ITPRIP: variants seen among roughly 807,000 people sequenced by gnomAD.
The protein encoded by ITPRIP is inositol 1,4,5-trisphosphate receptor interacting protein.
Under a neutral mutation model 35.8 loss-of-function variants are expected in ITPRIP, and 32 were observed. That is an observed-to-expected ratio of 0.89 (90% CI 0.68 to 1.20). The LOEUF is 1.20. ITPRIP is among the 50% of genes most tolerant of loss of function. The pLI is 0.00. For synonymous variants in ITPRIP, 358 were observed against 324.0 expected (o/e 1.11, Z -1.13); for missense variants, 653 against 735.6 (o/e 0.89, Z 1.30).
chr10:104,315,547 C>G lies in ITPRIP; in HGVS notation c.505G>C (p.Asp169His). 1 of 1,614,218 alleles carries G rather than the reference C, an allele frequency of 6.2e-7. No homozygotes were observed. The highest frequency in any genetic ancestry group is 8.5e-7 in the Non-Finnish European group (1 of 1,180,038). The change falls in exon 2 of 2, where the codon GAT becomes CAT. Residue 169 changes from aspartate to histidine, a missense_variant. Coordinates refer to ENST00000337478, the MANE Select transcript of ITPRIP (RefSeq NM_001272013.2). The surrounding 1 kb of genome is among the most constrained non-coding windows in gnomAD (Gnocchi z 5.7). ...RTREFLEGFV[D>H]DLLEALRSLC... ...CTCCTCAGGGCTTCCAGCAAGTCAT[C>G]CACGAAGCCTTCCAGGAACTCCCGG... is the stretch of plus-strand genomic sequence containing the variant.
rs1564867873 is a variant in ITPRIP, at chr10:104,333,820, G to C, written c.-14+4426C>G. On this transcript the variant is annotated intron_variant, in intron 1 of 1. Transcript: ENST00000337478. This position sits in a 1 kb window ranked among gnomAD's most constrained non-coding sequence, Gnocchi z 4.1. ...TCCTTTGTCCAGACCTCAGAGGAGG[G>C]AGCAGTGACCTGATGGGGAAGTTGG... The C allele has an allele frequency of 1.3e-5, 2 of 152,606 alleles. No homozygotes were observed. The highest frequency in any genetic ancestry group is 2.9e-5 in the Non-Finnish European group (2 of 68,376). 9.5% of individuals were successfully genotyped at this position (152,606 alleles called of 1,614,324 possible). A position where few individuals can be genotyped will look rare whatever the true frequency, so the allele number is the denominator to read the frequency against.
At chr10:104,330,014 G>T (rs747223717) in intron 1 of ITPRIP, among the ~76,000 whole-genome samples, 13 of 152,148 alleles carry the variant, frequency 8.5e-5, no homozygotes, top group Non-Finnish European at 1.5e-4. Flanking sequence ...TTCTTCTAAA[G>T]GCCCCAGGGG....
chr10:104,332,274 C>T (rs1170954067), intron 1 of ITPRIP, among the ~76,000 whole-genome samples: 2 of 151,984 alleles, frequency 1.3e-5, no homozygotes, highest in Admixed American at 6.6e-5. Flanking sequence ...ATATCCATAA[C>T]GGTGGATTCT....
In ITPRIP at chr10:104,315,691, C is replaced by T. The variant is rs751205184; in HGVS notation, c.361G>A (p.Asp121Asn). 17 of 1,613,220 alleles carry T rather than the reference C, an allele frequency of 1.1e-5. No homozygotes were observed. The highest frequency in any genetic ancestry group is 9.9e-5 in the South Asian group (9 of 91,090). ...GCGCCCCCCAGCCCAGGCAGCTCAT[C>T]CTCCTCACCGCCCAGGCACTCAGGT... Reference protein sequence around the residue: ...PSPECLGGEEDELPGLGGAPL... With the variant: ...PSPECLGGEENELPGLGGAPL... Residue 121 changes from aspartate (D) to asparagine (N), a missense_variant, in exon 2 of 2, where the codon GAT (aspartate) becomes AAT (asparagine). By Grantham distance (23) the Asp-to-Asn change is conservative (BLOSUM62 1). Coordinates refer to ENST00000337478, the MANE Select transcript of ITPRIP (RefSeq NM_001272013.2). This position sits in a 1 kb window ranked among gnomAD's most constrained non-coding sequence, Gnocchi z 5.7.
intron 1 of ITPRIP, chr10:104,323,515 T>G (rs933430434): frequency 6.6e-6 from 1 of 152,328 alleles, no homozygotes; most frequent in Admixed American, 6.5e-5. Flanking sequence ...CCTCTTCCCC[T>G]GCCTGGGGGT....
intron 1 of ITPRIP, among the ~76,000 whole-genome samples, chr10:104,320,012 G>A (rs2013803883): frequency 6.6e-6 from 1 of 152,062 alleles, no homozygotes; most frequent in South Asian, 2.1e-4. Context: ...GGCCCTGAAA[G>A]AAATCAAAGT....
In ITPRIP at chr10:104,313,210, C is replaced by G; in HGVS notation, c.*1198G>C. The G allele has an allele frequency of 2.0e-6, 2 of 985,570 alleles. No individual in the cohort carries two copies. The highest frequency in any genetic ancestry group is 2.4e-6 in the Non-Finnish European group (2 of 830,036). 61.1% of individuals were successfully genotyped at this position (985,570 alleles called of 1,614,324 possible). A position where few individuals can be genotyped will look rare whatever the true frequency, so the allele number is the denominator to read the frequency against. On this transcript the variant is annotated 3_prime_UTR_variant, in exon 2 of 2. Transcript: ENST00000337478. ...CACACCCTGCCCTAGGATTGGGACC[C>G]TGAGGACAACCTGGGGCTATGACAT... is the stretch of plus-strand genomic sequence containing the variant.
chr10:104,336,497 G>GTT (rs2014238168), intron 1 of ITPRIP, among the ~76,000 whole-genome samples: 1 of 126,880 alleles, frequency 7.9e-6, no homozygotes, highest in Non-Finnish European at 1.5e-5. Context: ...TTTTTTTTGG[G>GTT]GGGGGGGGGG....
intron 1 of ITPRIP, among the ~76,000 whole-genome samples, chr10:104,321,979 T>A (rs1332679208): frequency 6.6e-6 from 1 of 152,122 alleles, no homozygotes; most frequent in African/African-American, 2.4e-5. Context: ...TGACCCCTGG[T>A]AGCAAAAGCA....
At position 104,330,395 on chromosome 10, in the gene ITPRIP, TAGCCCTGGAGACAGAGACGGTTGC is replaced by T. The variant is rs568476101; in HGVS notation, c.-14+7827_-14+7850del. ...CTTCCAGCAAAATCCCTTCCAGACG[TAGCCCTGGAGACAGAGACGGTTGC>T]AGCCCCGTTTGGTCTGGACTGGCCT... is the stretch of plus-strand genomic sequence containing the variant. On this transcript the variant is annotated intron_variant, in intron 1 of 1. Coordinates refer to ENST00000337478, the MANE Select transcript of ITPRIP (RefSeq NM_001272013.2). Among the ~76,000 whole-genome samples, 4 of 152,292 alleles carry T rather than the reference TAGCCCTGGAGACAGAGACGGTTGC, an allele frequency of 2.6e-5. No homozygotes were observed. In the South Asian group the frequency reaches 8.3e-4, roughly 32 times the overall value.
chr10:104,328,243 C>G lies in ITPRIP; in HGVS notation c.-14+10003G>C, dbSNP rs72825863. The stretch of plus-strand genomic sequence containing the variant: ...ACAGCAATGCGCCCTCACCACTTCC[C>G]GTTGTCCTACATTGGCTTGGTCTGG... On this transcript the variant is annotated intron_variant, in intron 1 of 1. Transcript: ENST00000337478. This position sits in a 1 kb window ranked among gnomAD's most constrained non-coding sequence, Gnocchi z 4.1. 2.0e-6 allele frequency: 2 copies of G among 985,296 alleles called. No individual in the cohort carries two copies. The highest frequency in any genetic ancestry group is 2.4e-6 in the Non-Finnish European group (2 of 829,944). 61.0% of individuals were successfully genotyped at this position (985,296 alleles called of 1,614,324 possible). A position where few individuals can be genotyped will look rare whatever the true frequency, so the allele number is the denominator to read the frequency against.
chr10:104,320,547 T>C lies in ITPRIP; in HGVS notation c.-13-4483A>G, dbSNP rs1255889766. ...AGGTCTGCCTGTAATTTTTTTTTTT[T>C]TTTTTTTTGAGACTAAGTCTCACTC... is the stretch of plus-strand genomic sequence containing the variant. On this transcript the variant is annotated intron_variant, in intron 1 of 1. Coordinates refer to ENST00000337478, the MANE Select transcript of ITPRIP (RefSeq NM_001272013.2). Among the ~76,000 whole-genome samples the C allele has an allele frequency of 3.3e-5, 5 of 151,216 alleles. No individual in the cohort carries two copies. The South Asian group carries it at 1.0e-3, about 32-fold the overall frequency.
intron 1 of ITPRIP, among the ~76,000 whole-genome samples, chr10:104,319,257 T>G (rs1201726971): frequency 2.0e-5 from 3 of 152,222 alleles, no homozygotes; most frequent in African/African-American, 7.2e-5. Flanking sequence ...AGTGAGATCA[T>G]ACACCTTGGG....
intron 1 of ITPRIP, among the ~76,000 whole-genome samples, chr10:104,325,908 AGT>A (rs2013993994): frequency 1.3e-5 from 2 of 152,186 alleles, no homozygotes; most frequent in Non-Finnish European, 2.9e-5. Context: ...CCCAGGGGTC[AGT>A]CTGGACTCTG....
chr10:104,311,205 C>G lies in ITPRIP; in HGVS notation c.*3203G>C, dbSNP rs2013477359. On this transcript the variant is annotated 3_prime_UTR_variant, in exon 2 of 2. Transcript: ENST00000337478. ...TGAATGTGGGTGCCCTCATGAGAAG[C>G]TTGTGGTGTAGCTGATGCCACTTAG... The G allele has an allele frequency of 6.6e-6, 1 of 152,246 alleles. No homozygotes were observed. The highest frequency in any genetic ancestry group is 2.4e-5 in the African/African-American group (1 of 41,450). The allele number at this position is 152,246 out of a possible 1,614,324, so 9.4% of individuals were successfully genotyped here.
Position 104,314,472 on chromosome 10 carries a change from G to A in ITPRIP, c.1580C>T (p.Ala527Val). Residue 527 changes from alanine (A) to valine (V), a missense_variant, in exon 2 of 2, where the codon GCC (alanine) becomes GTC (valine). Ala to Val is a moderately conservative substitution (Grantham distance 64). Coordinates refer to ENST00000337478, the MANE Select transcript of ITPRIP (RefSeq NM_001272013.2). ...LDSFYEMLKN[A>V]PALISEYSLH... ...GGAATACTCGCTAATGAGCGCTGGG[G>A]CATTCTTGAGCATCTCATAGAAGGA... is the stretch of plus-strand genomic sequence containing the variant. 2 of 1,614,148 alleles carry A rather than the reference G, an allele frequency of 1.2e-6. No individual in the cohort carries two copies. Among genetic ancestry groups the A allele is most frequent in the Non-Finnish European group, 1.7e-6 (2 of 1,180,028 alleles).
chr10:104,312,975 C>T lies in ITPRIP; in HGVS notation c.*1433G>A. On this transcript the variant is annotated 3_prime_UTR_variant, in exon 2 of 2. Transcript: ENST00000337478. ...GAAGCCACAGGTGGAAAAGAGCCTT[C>T]CTGATCCCCCTGAACCAGACCTGGA... is the stretch of plus-strand genomic sequence containing the variant. 1.0e-6 allele frequency: 1 copy of T among 985,460 alleles called. No individual in the cohort carries two copies. The highest frequency in any genetic ancestry group is 1.2e-6 in the Non-Finnish European group (1 of 829,966). 61.0% of individuals were successfully genotyped at this position (985,460 alleles called of 1,614,324 possible).
chr10:104,317,346 G>T (rs567130251), intron 1 of ITPRIP, among the ~76,000 whole-genome samples: 1 of 152,250 alleles, frequency 6.6e-6, no homozygotes, highest in South Asian at 2.1e-4. Flanking sequence ...TTTGCAATTC[G>T]AAGTATGATT....
rs746609777 is a variant in ITPRIP, at chr10:104,314,903, G to T, written c.1149C>A (p.Ser383=). The T allele has an allele frequency of 1.1e-5, 18 of 1,613,592 alleles. No homozygotes were observed. The African/African-American group carries it at 2.3e-4, about 20-fold the overall frequency. The change falls in exon 2 of 2, where the codon TCC becomes TCA. Residue 383 remains serine, a synonymous_variant. Transcript: ENST00000337478. ...TPASSTDWLL[S]FAVYERHFLR... ...GGAAGTGTCGCTCATAGACAGCAAA[G>T]GACAGGAGCCAGTCTGTGCTGGAGG...
Sources: gnomAD v4.1 joint callset for allele counts (sites outside exome capture counted in the v4.1 genomes callset) on GRCh38, gnomAD v4.1.1 for gene constraint, Gnocchi (gnomAD v3.1) non-coding constraint, MANE v1.5 for transcripts, NCBI Gene and HGNC (gene_info 2026-07-23, HGNC 2026-07-21) for gene names.